Variants in ACTN2 observed in about 807,000 individuals in gnomAD.
ACTN2 encodes alpha-actinin-2.
A neutral mutation model predicts 113.8 loss-of-function variants in ACTN2; 39 were observed. That is an observed-to-expected ratio of 0.34 (90% CI 0.27 to 0.45). The LOEUF (loss-of-function observed/expected upper bound fraction) is 0.45, where lower values mean the gene tolerates loss of function less well. ACTN2 is among the 20% of genes least tolerant of loss of function. The pLI is 1.00. For missense variants in ACTN2, 992 were observed against 1,177.9 expected (o/e 0.84, Z 2.31); for synonymous variants, 429 against 444.1 (o/e 0.97, Z 0.43).
At chr1:236,698,950 G>C (rs1657597982) in intron 1 of ACTN2, among the ~76,000 whole-genome samples, 1 of 152,120 alleles carries the variant, frequency 6.6e-6, no homozygotes, top group Non-Finnish European at 1.5e-5. Context: ...AGTGGTTGAG[G>C]GTGGGGAAGT....
intron 1 of ACTN2, among the ~76,000 whole-genome samples, chr1:236,716,001 C>T (rs964937074): frequency 6.6e-6 from 1 of 151,480 alleles, no homozygotes; most frequent in Non-Finnish European, 1.5e-5. Context: ...CTTAGAGTAT[C>T]TTTTCTGTTT....
chr1:236,735,742 G>A lies in ACTN2; in HGVS notation c.783+22G>A, dbSNP rs2288600. 0.15 allele frequency: 237,899 copies of A among 1,605,616 alleles called. 18,455 individuals carry two copies. The highest frequency in any genetic ancestry group is 0.21 in the South Asian group (19,005 of 90,858). Reference sequence around the variant, plus strand: ...GCAGGTACTCAACACTTGTCCGTCCGGGCTGTTGTGTTACTCTCTGTTGGT... The same window carrying A: ...GCAGGTACTCAACACTTGTCCGTCCAGGCTGTTGTGTTACTCTCTGTTGGT... On this transcript the variant is annotated intron_variant, in intron 8 of 20. Transcript: ENST00000366578.
intron 1 of ACTN2, among the ~76,000 whole-genome samples, chr1:236,691,669 AGT>A (rs1666087778): frequency 6.6e-6 from 1 of 152,118 alleles, no homozygotes; most frequent in Non-Finnish European, 1.5e-5. Flanking sequence ...TAATAAGTGT[AGT>A]ATAATAAGTG....
chr1:236,744,479 C>A, intron 11 of ACTN2, 147 bp from the exon 12 acceptor site: 2 of 981,174 alleles, frequency 2.0e-6, no homozygotes, highest in Non-Finnish European at 1.6e-6. Context: ...AATTCCATCA[C>A]AACCCTGGCC....
intron 4 of ACTN2, among the ~76,000 whole-genome samples, chr1:236,721,995 G>C (rs767896295): frequency 6.6e-6 from 1 of 151,868 alleles, no homozygotes; most frequent in African/African-American, 2.4e-5. Flanking sequence ...AAAATTTTGC[G>C]ATAAAAGGCT....
At position 236,715,625 on chromosome 1, in the gene ACTN2, C is replaced by G. The variant is rs1169146100; in HGVS notation, c.127-2233C>G. On this transcript the variant is annotated intron_variant, in intron 1 of 20. Transcript: ENST00000366578. ...TCTAAGTTTAAGTGGCTACTTCTGG[C>G]TAGGAGCTACCACACTGATTGGGTA... Among the ~76,000 whole-genome samples the G allele has an allele frequency of 2.0e-5, 3 of 152,218 alleles. No homozygotes were observed. In the East Asian group the frequency reaches 5.8e-4, roughly 29 times the overall value.
rs1659000316 is a variant in ACTN2, at chr1:236,739,427, G to A, written c.1002G>A (p.Lys334=). Residue 334 remains lysine (K), a synonymous_variant, in exon 10 of 21, where the codon AAG becomes AAA. Transcript: ENST00000366578. ...RDYRRKHKPP[K]VQEKCQLEIN... ...ACCGCCGGAAGCACAAGCCACCCAA[G>A]GTGCAGGAGAAATGCCAGCTGGAGA... 6.2e-7 allele frequency: 1 copy of A among 1,613,964 alleles called. No homozygotes were observed. The highest frequency in any genetic ancestry group is 1.3e-5 in the African/African-American group (1 of 74,886).
intron 12 of ACTN2, among the ~76,000 whole-genome samples, chr1:236,745,349 G>A (rs899864809): frequency 1.8e-4 from 27 of 152,192 alleles, no homozygotes; most frequent in Admixed American, 1.7e-3. Context: ...CAGGAGAATG[G>A]TGTGAACCCA....
At chr1:236,715,558 T>C (rs1298542746) in intron 1 of ACTN2, among the ~76,000 whole-genome samples, 1 of 152,076 alleles carries the variant, frequency 6.6e-6, no homozygotes, top group African/African-American at 2.4e-5. Flanking sequence ...AAACATGACT[T>C]GTGCAACTGA....
chr1:236,688,520 T>C (rs912138157), intron 1 of ACTN2, among the ~76,000 whole-genome samples: 3 of 152,194 alleles, frequency 2.0e-5, no homozygotes, highest in Non-Finnish European at 4.4e-5. Context: ...CTTTTAGGTT[T>C]GGGATTCCTA....
chr1:236,721,022 G>GTTTTTTTTTTTTTTTTTTTTTTTTTTTTT (rs869077774), intron 4 of ACTN2, among the ~76,000 whole-genome samples: 1 of 66,506 alleles, frequency 1.5e-5, no homozygotes, highest in Non-Finnish European at 2.6e-5. Flanking sequence ...TTTGTTTTTT[G>GTTTTTTTTTTTTTTTTTTTTTTTTTTTTT]TTTTTTTTTT....
Position 236,739,408 on chromosome 1 carries a change from G to A in ACTN2, c.983G>A (p.Arg328Gln), listed in dbSNP as rs774046373. 18 of 1,613,928 alleles carry A rather than the reference G, an allele frequency of 1.1e-5. No homozygotes were observed. Among genetic ancestry groups the A allele is most frequent in the African/African-American group, 2.7e-5 (2 of 74,860 alleles). Residue 328 changes from arginine (R) to glutamine (Q), a missense_variant, in exon 10 of 21, where the codon CGG becomes CAG. This residue lies in a region of ACTN2 where 736 missense variants were observed against 815.4 expected (regional missense o/e 0.90). Coordinates refer to ENST00000366578, the MANE Select transcript of ACTN2 (RefSeq NM_001103.4). ...CTGGAGGACTTCCGGGATTACCGCC[G>A]GAAGCACAAGCCACCCAAGGTGCAG... ...KKLEDFRDYR[R>Q]KHKPPKVQEK...
At chr1:236,759,898 GT>G in intron 19 of ACTN2, 109 bp downstream of exon 19, 1 of 972,526 alleles carries the variant, frequency 1.0e-6, no homozygotes, top group Non-Finnish European at 1.6e-6. Context: ...GGATTGGTTC[GT>G]TTTCATTATA....
intron 1 of ACTN2, among the ~76,000 whole-genome samples, chr1:236,700,975 C>G (rs1248217497): frequency 6.6e-6 from 1 of 152,166 alleles, no homozygotes; most frequent in Non-Finnish European, 1.5e-5. Flanking sequence ...AGCCGGTGAC[C>G]TTGGGCAAGT....
intron 13 of ACTN2, among the ~76,000 whole-genome samples, chr1:236,748,711 T>C (rs1659306694): frequency 6.6e-6 from 1 of 152,218 alleles, no homozygotes; most frequent in African/African-American, 2.4e-5. Flanking sequence ...GGCACACAAC[T>C]TCTCTGCACA....
At chr1:236,750,201 AC>A (rs1383573099) in intron 14 of ACTN2, among the ~76,000 whole-genome samples, 1 of 152,160 alleles carries the variant, frequency 6.6e-6, no homozygotes, top group Non-Finnish European at 1.5e-5. Flanking sequence ...AAGAGAAAAT[AC>A]TTTTTACTCT....
intron 15 of ACTN2, among the ~76,000 whole-genome samples, chr1:236,753,398 T>G (rs1659459277): frequency 6.6e-6 from 1 of 152,202 alleles, no homozygotes; most frequent in African/African-American, 2.4e-5. Context: ...TGATATTTGT[T>G]GCAAGAGGCA....
intron 1 of ACTN2, among the ~76,000 whole-genome samples, chr1:236,708,079 C>G (rs990806592): frequency 6.6e-6 from 1 of 152,014 alleles, no homozygotes; most frequent in Admixed American, 6.6e-5. Flanking sequence ...ACACTAGACA[C>G]TAAGCAGGTC....
rs765966510 is a variant in ACTN2, at chr1:236,735,726, C to T, written c.783+6C>T. 6.2e-7 allele frequency: 1 copy of T among 1,613,050 alleles called. No homozygotes were observed. The highest frequency in any genetic ancestry group is 8.5e-7 in the Non-Finnish European group (1 of 1,179,024). On this transcript the variant is annotated splice_donor_region_variant and intron_variant, in intron 8 of 20. Transcript: ENST00000366578. ...CTTTTGCGGGCGCGGAGCAGGTACT[C>T]AACACTTGTCCGTCCGGGCTGTTGT...
Sources: gnomAD v4.1 joint callset for allele counts (sites outside exome capture counted in the v4.1 genomes callset) on GRCh38, gnomAD v4.1.1 for gene constraint, gnomAD v4.1.1 regional missense constraint, MANE v1.5 for transcripts, NCBI Gene and HGNC (gene_info 2026-07-23, HGNC 2026-07-21) for gene names.